Variants in CDYL observed in about 807,000 individuals in gnomAD.
CDYL encodes the protein chromodomain Y-like protein.
In CDYL, 8 loss-of-function variants were observed where a neutral mutation model predicts 47.3. That is an observed-to-expected ratio of 0.17 (90% CI 0.10 to 0.31). The LOEUF is 0.31. CDYL is among the 10% of genes least tolerant of loss of function. The pLI is 1.00. For missense variants in CDYL, 471 were observed against 701.4 expected (o/e 0.67, Z 3.71); for synonymous variants, 266 against 265.0 (o/e 1.00, Z -0.04).
upstream of CDYL, chr6:4,773,103 C>T (rs2127426112): frequency 4.4e-6 from 2 of 457,206 alleles, no homozygotes; most frequent in South Asian, 3.1e-5. This position sits in a 1 kb window ranked among gnomAD's most constrained non-coding sequence, Gnocchi z 4.6. Context: ...TAGAACTTGC[C>T]ATCGATGATC....
intron 2 of CDYL, among the ~76,000 whole-genome samples, chr6:4,893,601 A>C (rs913631333): frequency 1.3e-5 from 2 of 152,072 alleles, no homozygotes; most frequent in African/African-American, 4.8e-5. Context: ...GGTGAGGCAC[A>C]AGAATCGCTT....
At chr6:4,805,072 A>G (rs1759332300) in intron 1 of CDYL, among the ~76,000 whole-genome samples, 1 of 152,244 alleles carries the variant, frequency 6.6e-6, no homozygotes, top group African/African-American at 2.4e-5. Context: ...AAAAACCCAG[A>G]AAACAGACTA....
chr6:4,863,282 A>G (rs1394226116), intron 1 of CDYL, among the ~76,000 whole-genome samples: 1 of 152,226 alleles, frequency 6.6e-6, no homozygotes, highest in Non-Finnish European at 1.5e-5. Context: ...TGGGTTCACG[A>G]GAAGCCCAAA....
At chr6:4,851,133 G>A (rs1317002062) in intron 1 of CDYL, among the ~76,000 whole-genome samples, 2 of 152,146 alleles carry the variant, frequency 1.3e-5, no homozygotes, top group Non-Finnish European at 2.9e-5. Flanking sequence ...CAGAGGACAT[G>A]GACGTCTTAT....
chr6:4,849,559 A>G (rs1760762038), intron 1 of CDYL, among the ~76,000 whole-genome samples: 1 of 150,826 alleles, frequency 6.6e-6, no homozygotes, highest in African/African-American at 2.4e-5. Flanking sequence ...AAGTGTTAAA[A>G]TAAGTGCTCT....
In CDYL at chr6:4,821,740, G is replaced by GAA. The variant is rs61074922; in HGVS notation, c.24+44943_24+44944dup. On this transcript the variant is annotated intron_variant, in intron 1 of 6. Coordinates refer to ENST00000397588, the MANE Select transcript of CDYL (RefSeq NM_004824.4). ...TCTAGAGCAAGACTGTATCTCGGGG[G>GAA]AAAAAAAAAAAGCGATCCTTGGGTT... Among the ~76,000 whole-genome samples the GAA allele has an allele frequency of 4.1e-3, 590 of 142,906 alleles. 1 individual carries two copies. Among genetic ancestry groups the GAA allele is most frequent in the African/African-American group, 0.014 (549 of 39,386 alleles). 93.8% of individuals were successfully genotyped at this position (142,906 alleles called of 152,430 possible). A position where few individuals can be genotyped will look rare whatever the true frequency, so the allele number is the denominator to read the frequency against.
intron 5 of CDYL, 120 bp from the exon 6 acceptor site, chr6:4,952,146 C>T: frequency 8.5e-7 from 1 of 1,179,174 alleles, no homozygotes; most frequent in Non-Finnish European, 1.2e-6. Context: ...AGGATGTGCC[C>T]CATTTCCCTG....
At chr6:4,786,246 A>G (rs113366584) in intron 1 of CDYL, among the ~76,000 whole-genome samples, 178 of 152,318 alleles carry the variant, frequency 1.2e-3, no homozygotes, top group African/African-American at 4.1e-3. Context: ...TTAACCATGT[A>G]GTCCATACAA....
At chr6:4,887,928 G>A (rs1421933529) in intron 1 of CDYL, among the ~76,000 whole-genome samples, 1 of 149,004 alleles carries the variant, frequency 6.7e-6, no homozygotes, top group Admixed American at 6.7e-5. Context: ...TTTCTCAGGT[G>A]TTTTTTCTGC....
At chr6:4,923,410 T>G (rs1410993052) in intron 2 of CDYL, among the ~76,000 whole-genome samples, 1 of 152,204 alleles carries the variant, frequency 6.6e-6, no homozygotes, top group East Asian at 1.9e-4. Flanking sequence ...ACTCTTTTTT[T>G]AAGGCTGAAT....
chr6:4,876,489 A>T (rs808635), intron 1 of CDYL, among the ~76,000 whole-genome samples: 2 of 151,990 alleles, frequency 1.3e-5, no homozygotes, highest in East Asian at 1.9e-4. Flanking sequence ...CTTACCTTTG[A>T]TATTTTTTTC....
At chr6:4,764,986 G>A (rs1758230076) in intron 3 of CDYL, among the ~76,000 whole-genome samples, 1 of 152,122 alleles carries the variant, frequency 6.6e-6, no homozygotes, top group Non-Finnish European at 1.5e-5. Flanking sequence ...AATTTTAAAG[G>A]ATTGAAATTC....
chr6:4,861,767 G>A (rs989273138), intron 1 of CDYL, among the ~76,000 whole-genome samples: 1 of 152,196 alleles, frequency 6.6e-6, no homozygotes, highest in African/African-American at 2.4e-5. Context: ...TACTGTATCT[G>A]TCTCTTTACA....
intron 1 of CDYL, among the ~76,000 whole-genome samples, chr6:4,835,359 A>G (rs1366592781): frequency 1.3e-5 from 2 of 152,186 alleles, no homozygotes; most frequent in African/African-American, 4.8e-5. Context: ...TTGCCTGGGT[A>G]TCAGCAGTGG....
At chr6:4,788,502 A>AAAAAAAAAAAAAAAAAAAT in intron 1 of CDYL, among the ~76,000 whole-genome samples, 2 of 148,850 alleles carry the variant, frequency 1.3e-5, no homozygotes, top group Admixed American at 6.7e-5. Flanking sequence ...AAAAAAAAAA[A>AAAAAAAAAAAAAAAAAAAT]GGCTTTTCAG....
intron 2 of CDYL, among the ~76,000 whole-genome samples, chr6:4,893,889 A>G (rs1036974011): frequency 6.6e-6 from 1 of 152,226 alleles, no homozygotes; most frequent in Non-Finnish European, 1.5e-5. Context: ...TCCTCGGCCC[A>G]GGCCCTTGTG....
intron 2 of CDYL, among the ~76,000 whole-genome samples, chr6:4,927,422 A>G (rs933049964): frequency 5.5e-4 from 46 of 83,864 alleles, no homozygotes; most frequent in Non-Finnish European, 5.6e-4. Flanking sequence ...ATTCGAATTT[A>G]CTGTACGTGT....
chr6:4,792,335 T>C (rs990438700), intron 1 of CDYL, among the ~76,000 whole-genome samples: 2 of 152,136 alleles, frequency 1.3e-5, no homozygotes, highest in African/African-American at 4.8e-5. Flanking sequence ...TCTTCTGATA[T>C]ATGGCTTTGT....
At chr6:4,775,992 C>G (rs1758428427), upstream of CDYL, among the ~76,000 whole-genome samples, 1 of 149,796 alleles carries the variant, frequency 6.7e-6, no homozygotes, top group Non-Finnish European at 1.5e-5. The surrounding 1 kb of genome is among the most constrained non-coding windows in gnomAD (Gnocchi z 7.0). Flanking sequence ...CGTCGCTGCC[C>G]GTCCTGGTGT....
Sources: gnomAD v4.1 joint callset for allele counts (sites outside exome capture counted in the v4.1 genomes callset) on GRCh38, gnomAD v4.1.1 for gene constraint, Gnocchi (gnomAD v3.1) non-coding constraint, MANE v1.5 for transcripts, NCBI Gene and HGNC (gene_info 2026-07-23, HGNC 2026-07-21) for gene names.